The following ZNF407 variants were observed in gnomAD, a reference collection of about 807,000 sequenced individuals.
ZNF407 encodes zinc finger protein 407.
Under a neutral mutation model 131.2 loss-of-function variants are expected in ZNF407, and 17 were observed. The ratio of observed to expected loss-of-function variants is 0.13; its 90% CI spans 0.09 to 0.19. The LOEUF (loss-of-function observed/expected upper bound fraction) is 0.19. Among genes scored for constraint, ZNF407 ranks in the 10% least tolerant of loss-of-function variants. The pLI is 1.00. For missense variants in ZNF407, 2,681 were observed against 2,830.6 expected, an observed-to-expected ratio of 0.95 and a Z score of 1.20; for synonymous variants, 1,156 against 1,062.0, an observed-to-expected ratio of 1.09 and a Z score of -1.72.
intron 8 of ZNF407, among the ~76,000 whole-genome samples, chr18:75,006,538 A>G (rs541695153): frequency 1.3e-5 from 2 of 152,138 alleles, no homozygotes; most frequent in Non-Finnish European, 2.9e-5. Flanking sequence ...TTGTCCTCGT[A>G]CCTCCTGATG....
At chr18:74,810,667 G>A (rs988776408) in intron 4 of ZNF407, among the ~76,000 whole-genome samples, 1 of 152,024 alleles carries the variant, frequency 6.6e-6, no homozygotes, top group Non-Finnish European at 1.5e-5. Context: ...TTGCCTCATA[G>A]TTAGTTTTTA....
intron 8 of ZNF407, among the ~76,000 whole-genome samples, chr18:75,058,220 A>G (rs1423545661): frequency 6.6e-6 from 1 of 152,226 alleles, no homozygotes; most frequent in Non-Finnish European, 1.5e-5. Flanking sequence ...GAGCTGCAGC[A>G]TCATAATGGC....
chr18:74,991,085 T>C (rs933964683), intron 8 of ZNF407, among the ~76,000 whole-genome samples: 6 of 152,232 alleles, frequency 3.9e-5, no homozygotes, highest in African/African-American at 1.4e-4. Flanking sequence ...TCAGCTTACT[T>C]GCACATTGAA....
intron 3 of ZNF407, among the ~76,000 whole-genome samples, chr18:74,775,539 A>G (rs901782911): frequency 5.3e-5 from 8 of 152,192 alleles, no homozygotes; most frequent in Non-Finnish European, 1.0e-4. Context: ...CAGTTCCCAC[A>G]AATCTATTTT....
intron 8 of ZNF407, among the ~76,000 whole-genome samples, chr18:74,943,765 A>G (rs577834486): frequency 1.3e-5 from 2 of 152,266 alleles, no homozygotes; most frequent in South Asian, 2.1e-4. Context: ...CTTGCTGTGT[A>G]CAGTATGTAC....
chr18:74,996,992 A>G (rs776434358), intron 8 of ZNF407, among the ~76,000 whole-genome samples: 2 of 152,238 alleles, frequency 1.3e-5, no homozygotes, highest in Non-Finnish European at 2.9e-5. Context: ...AAGTAATCCA[A>G]GGAGATTGTT....
chr18:74,987,156 G>T (rs1026453798), intron 8 of ZNF407, among the ~76,000 whole-genome samples: 2 of 151,884 alleles, frequency 1.3e-5, no homozygotes, highest in African/African-American at 4.8e-5. Flanking sequence ...GGCATACTCC[G>T]AAGTGCATTG....
intron 3 of ZNF407, among the ~76,000 whole-genome samples, chr18:74,682,988 TG>T (rs2144781282): frequency 6.6e-6 from 1 of 152,344 alleles, no homozygotes; most frequent in East Asian, 1.9e-4. Flanking sequence ...TGGATGGTGC[TG>T]GGCTCTAACA....
At chr18:74,935,129 C>T (rs1445856499) in intron 8 of ZNF407, among the ~76,000 whole-genome samples, 1 of 152,144 alleles carries the variant, frequency 6.6e-6, no homozygotes, top group East Asian at 1.9e-4. Context: ...AATAAATAGA[C>T]TGTTTTAAAG....
chr18:74,692,063 C>T (rs1030637128), intron 3 of ZNF407, among the ~76,000 whole-genome samples: 1 of 151,982 alleles, frequency 6.6e-6, no homozygotes, highest in African/African-American at 2.4e-5. Flanking sequence ...CACTGCACTC[C>T]ATCCTGGGTA....
rs71170316 is a variant in ZNF407, at chr18:74,763,196, C to CTTTTTTTTTTTTTTTTTTTTTTTT, written c.4803-18228_4803-18205dup. Among the ~76,000 whole-genome samples the CTTTTTTTTTTTTTTTTTTTTTTTT allele has an allele frequency of 2.8e-4, 5 of 17,784 alleles. 1 individual carries two copies. The highest frequency in any genetic ancestry group is 4.5e-4 in the African/African-American group (3 of 6,616). The allele number at this position is 17,784 out of a possible 152,430, so 11.7% of individuals were successfully genotyped here. A position where few individuals can be genotyped will look rare whatever the true frequency, so the allele number is the denominator to read the frequency against. On this transcript the variant is annotated intron_variant, in intron 3 of 8. Coordinates refer to ENST00000299687, the MANE Select transcript of ZNF407 (RefSeq NM_017757.3). ...ATGATTTTGAGCATCTTCTTAGGACCTTTTTTTTTTTTTTTTTTTTTTTTT... is the reference window on the plus strand; with the variant it reads ...ATGATTTTGAGCATCTTCTTAGGACCTTTTTTTTTTTTTTTTTTTTTTTTTTTTTTTTTTTTTTTTTTTTTTTTT...
At chr18:74,877,763 G>T (rs1401004575) in intron 5 of ZNF407, among the ~76,000 whole-genome samples, 1 of 152,136 alleles carries the variant, frequency 6.6e-6, no homozygotes, top group Non-Finnish European at 1.5e-5. Flanking sequence ...AATTTCCATA[G>T]TATGTTTGAA....
intron 1 of ZNF407, among the ~76,000 whole-genome samples, chr18:74,622,072 G>GT (rs1346321806): frequency 1.3e-4 from 20 of 151,068 alleles, no homozygotes; most frequent in South Asian, 4.2e-4. Context: ...ATGGAAGAGT[G>GT]TTTTTTTTTC....
intron 8 of ZNF407, among the ~76,000 whole-genome samples, chr18:74,999,367 A>C (rs1156434662): frequency 2.7e-5 from 4 of 150,168 alleles, no homozygotes; most frequent in East Asian, 1.9e-4. Flanking sequence ...AAAAAAAAAA[A>C]AAAAAAAACA....
At chr18:75,037,478 A>G (rs1408867378) in intron 8 of ZNF407, among the ~76,000 whole-genome samples, 2 of 151,882 alleles carry the variant, frequency 1.3e-5, no homozygotes, top group East Asian at 1.9e-4. Flanking sequence ...GAATTAGAAC[A>G]CTAATTAGTG....
intron 8 of ZNF407, among the ~76,000 whole-genome samples, chr18:74,967,862 G>A (rs189097677): frequency 1.3e-5 from 2 of 152,276 alleles, no homozygotes; most frequent in East Asian, 3.9e-4. Flanking sequence ...TTATAATTTG[G>A]TATTCTTTCC....
chr18:75,039,118 C>T (rs999596126), intron 8 of ZNF407, among the ~76,000 whole-genome samples: 1 of 152,234 alleles, frequency 6.6e-6, no homozygotes, highest in Non-Finnish European at 1.5e-5. Flanking sequence ...CTTACCTTCA[C>T]ATCTTTAGAT....
intron 8 of ZNF407, among the ~76,000 whole-genome samples, chr18:75,030,596 G>C (rs1185875775): frequency 6.6e-6 from 1 of 152,204 alleles, no homozygotes; most frequent in Admixed American, 6.5e-5. Flanking sequence ...TGTTGGCCAG[G>C]TGACATACTA....
In ZNF407 at chr18:75,060,766, A is replaced by G. The variant is rs537976297; in HGVS notation, c.5429-2384A>G. Among the ~76,000 whole-genome samples the G allele has an allele frequency of 1.6e-4, 24 of 152,074 alleles. No individual in the cohort carries two copies. The South Asian group carries it at 4.2e-3, about 26-fold the overall frequency. ...GTGATCCGTCCGCCTCGGCCTCCCA[A>G]AGTGCTGGGATGACAGGCGTCGGCC... On this transcript the variant is annotated intron_variant, in intron 8 of 8. Coordinates refer to ENST00000299687, the MANE Select transcript of ZNF407 (RefSeq NM_017757.3).
Sources: allele counts gnomAD v4.1 joint callset (sites outside exome capture counted in the v4.1 genomes callset), GRCh38; gene constraint gnomAD v4.1.1; transcripts MANE v1.5; gene names NCBI Gene and HGNC (gene_info 2026-07-23, HGNC 2026-07-21).